BPIFC: variants seen among roughly 807,000 people sequenced by gnomAD.
BPIFC encodes BPI fold-containing family C protein.
A neutral mutation model predicts 57.6 loss-of-function variants in BPIFC; 60 were observed. That is an observed-to-expected ratio of 1.04 (90% CI 0.85 to 1.29). BPIFC has a LOEUF of 1.29. Among genes scored for constraint, BPIFC ranks in the 50% most tolerant of loss-of-function variants. The probability of loss-of-function intolerance (pLI) is 0.00; values close to 1 mark genes in which losing one functional copy is unlikely to be tolerated. For synonymous variants in BPIFC, 243 were observed against 224.5 expected, an observed-to-expected ratio of 1.08 and a Z score of -0.74; for missense variants, 581 against 600.5, an observed-to-expected ratio of 0.97 and a Z score of 0.34.
chr22:32,451,690 G>A (rs2145959873), intron 4 of BPIFC, among the ~76,000 whole-genome samples: 1 of 151,950 alleles, frequency 6.6e-6, no homozygotes, highest in South Asian at 2.1e-4. Context: ...AGAACTTAAA[G>A]TATAATAAAT....
chr22:32,413,938 C>G lies in BPIFC; in HGVS notation c.*365G>C, dbSNP rs564196847. 6.3e-6 allele frequency: 1 copy of G among 157,716 alleles called. No homozygotes were observed. The highest frequency in any genetic ancestry group is 2.4e-5 in the African/African-American group (1 of 41,782). The allele number at this position is 157,716 out of a possible 1,614,324, so 9.8% of individuals were successfully genotyped here. On this transcript the variant is annotated 3_prime_UTR_variant, in exon 17 of 17. Coordinates refer to ENST00000300399, the MANE Select transcript of BPIFC (RefSeq NM_174932.3). ...CCAATATGCAGGTAGGGGAAAACCA[C>G]TAGAGGGCCTAAGGGATTTCCACTG...
chr22:32,429,509 G>GTTT lies in BPIFC; in HGVS notation c.1217+1835_1217+1837dup, dbSNP rs780948561. 2.2e-3 allele frequency among the ~76,000 whole-genome samples: 126 copies of GTTT among 56,654 alleles called. 23 individuals carry two copies. The East Asian group carries it at 0.026, about 11-fold the overall frequency. The allele number at this position is 56,654 out of a possible 152,430, so 37.2% of individuals were successfully genotyped here. On this transcript the variant is annotated intron_variant, in intron 13 of 16. Coordinates refer to ENST00000300399, the MANE Select transcript of BPIFC (RefSeq NM_174932.3). ...GCGTGAGCCATGGCAACTGGCCTTT[G>GTTT]TTTTTTTTTTTTTTTTTTTTTTTTT...
At chr22:32,444,546 G>A (rs975331662) in intron 7 of BPIFC, among the ~76,000 whole-genome samples, 3 of 152,084 alleles carry the variant, frequency 2.0e-5, no homozygotes, top group East Asian at 1.9e-4. Context: ...ACAGGTAAAC[G>A]GTTCAGGGAA....
At chr22:32,418,819 C>A (rs1234953838) in intron 14 of BPIFC, among the ~76,000 whole-genome samples, 1 of 152,066 alleles carries the variant, frequency 6.6e-6, no homozygotes, top group Non-Finnish European at 1.5e-5. Context: ...GCTGATCTTC[C>A]TGAAGCTTGA....
intron 8 of BPIFC, among the ~76,000 whole-genome samples, chr22:32,441,112 C>T (rs1312715582): frequency 1.3e-5 from 2 of 152,160 alleles, no homozygotes; most frequent in African/African-American, 4.8e-5. Context: ...CCTAGTGTGT[C>T]CTTCTCACAG....
intron 8 of BPIFC, among the ~76,000 whole-genome samples, chr22:32,438,769 G>A (rs1465804956): frequency 6.6e-6 from 1 of 151,506 alleles, no homozygotes; most frequent in African/African-American, 2.4e-5. Context: ...GTATTGGCTT[G>A]GTATAATGAA....
At chr22:32,422,747 G>A (rs1933884449) in intron 13 of BPIFC, among the ~76,000 whole-genome samples, 2 of 151,914 alleles carry the variant, frequency 1.3e-5, no homozygotes, top group South Asian at 2.1e-4. Context: ...AGAAACCAGC[G>A]TAGGCTAGAG....
chr22:32,444,752 T>C (rs1934666967), intron 7 of BPIFC, among the ~76,000 whole-genome samples: 1 of 152,192 alleles, frequency 6.6e-6, no homozygotes, highest in Admixed American at 6.5e-5. Flanking sequence ...ATCCTACCTA[T>C]ATGTTAAGAT....
chr22:32,432,899 T>C (rs886595469), intron 11 of BPIFC, among the ~76,000 whole-genome samples: 3 of 152,150 alleles, frequency 2.0e-5, no homozygotes, highest in Non-Finnish European at 1.5e-5. Context: ...AGTGGTAGAA[T>C]TGGGATTCAA....
chr22:32,445,705 A>G lies in BPIFC; in HGVS notation c.531-7T>C. 1 of 1,534,988 alleles carries G rather than the reference A, an allele frequency of 6.5e-7. No homozygotes were observed. Among genetic ancestry groups the G allele is most frequent in the Non-Finnish European group, 8.7e-7 (1 of 1,153,294 alleles). Reference sequence around the variant, plus strand: ...AAAGGAGTTATACAGAACACTGAGGAAAAAAATGAAAAAAAAAAAAAAAAA... The same window carrying G: ...AAAGGAGTTATACAGAACACTGAGGGAAAAAATGAAAAAAAAAAAAAAAAA... On this transcript the variant is annotated splice_region_variant and splice_polypyrimidine_tract_variant and intron_variant, in intron 6 of 16. Coordinates refer to ENST00000300399, the MANE Select transcript of BPIFC (RefSeq NM_174932.3).
intron 10 of BPIFC, among the ~76,000 whole-genome samples, chr22:32,434,424 C>T (rs1934336767): frequency 6.8e-6 from 1 of 147,860 alleles, no homozygotes; most frequent in Admixed American, 6.8e-5. Context: ...ATATATATTA[C>T]AATCTATGTA....
In BPIFC at chr22:32,448,315, T is replaced by C. The variant is rs1043437663; in HGVS notation, c.246-975A>G. 1.6e-4 allele frequency among the ~76,000 whole-genome samples: 25 copies of C among 152,072 alleles called. No homozygotes were observed. In the East Asian group the frequency reaches 4.3e-3, roughly 26 times the overall value. ...GATCTCCTGACCTGACCTCGTGATC[T>C]GCCCGCCTCGGCCTCCCAAAGTGCT... On this transcript the variant is annotated intron_variant, in intron 4 of 16. Coordinates refer to ENST00000300399, the MANE Select transcript of BPIFC (RefSeq NM_174932.3).
intron 14 of BPIFC, among the ~76,000 whole-genome samples, chr22:32,417,539 A>G (rs564502536): frequency 6.6e-6 from 1 of 152,224 alleles, no homozygotes; most frequent in Non-Finnish European, 1.5e-5. Flanking sequence ...TTCTTAGGCT[A>G]GAAAGCAATA....
intron 7 of BPIFC, among the ~76,000 whole-genome samples, chr22:32,443,485 C>T (rs1232948238): frequency 6.6e-6 from 1 of 152,204 alleles, no homozygotes; most frequent in Admixed American, 6.5e-5. Context: ...CTTTTACTTT[C>T]CCCCTGGGCT....
chr22:32,428,221 A>T (rs1473330894), intron 13 of BPIFC, among the ~76,000 whole-genome samples: 3 of 152,000 alleles, frequency 2.0e-5, no homozygotes, highest in Non-Finnish European at 4.4e-5. Flanking sequence ...ATTCATTTTT[A>T]AAAATTATTA....
rs73884913 is a variant in BPIFC at position 32,435,843 on chromosome 22, G to T, written c.785C>A (p.Pro262His). 4.0e-5 allele frequency: 64 copies of T among 1,614,110 alleles called. 1 individual carries two copies. Among genetic ancestry groups the T allele is most frequent in the South Asian group, 3.1e-4 (28 of 91,058 alleles). The change falls in exon 10 of 17, where the codon CCC (proline) becomes CAC (histidine). Residue 262 changes from proline to histidine, a missense_variant. Transcript: ENST00000300399. ...GAGCACAAAAGGAACTGGTGAGAAG[G>T]GGGGGTCGGTGAGGTTTTCCAGTGG... ...FYPLENLTDP[P>H]FSPVPFVLPE...
rs536413230 is a variant in BPIFC, at chr22:32,442,442, C to T, written c.655+229G>A. 2.0e-5 allele frequency among the ~76,000 whole-genome samples: 3 copies of T among 152,252 alleles called. No individual in the cohort carries two copies. The South Asian group carries it at 6.2e-4, about 32-fold the overall frequency. On this transcript the variant is annotated intron_variant, in intron 8 of 16. Transcript: ENST00000300399. ...TTTAGTTCCTGAACCTACATCTCAT[C>T]CCCCTGGAGCCACCCCTCTTGTGGC...
intron 1 of BPIFC, among the ~76,000 whole-genome samples, chr22:32,464,151 G>A (rs1935213496): frequency 6.6e-6 from 1 of 152,126 alleles, no homozygotes; most frequent in Non-Finnish European, 1.5e-5. Context: ...TCTCTCTTAT[G>A]GCTGTTTAGC....
chr22:32,433,756 A>G lies in BPIFC; in HGVS notation c.941T>C (p.Val314Ala), dbSNP rs771061559. ...GTTGCCAAGGCCTTGAGAGTTTTGA[A>G]CAAAATGGTTGGAAATCTGGAAAAT... is the stretch of plus-strand genomic sequence containing the variant. ...LSTEEISNHF[V>A]QNSQGLGNVL... The change falls in exon 11 of 17, where the codon GTT becomes GCT. Residue 314 changes from valine (V) to alanine (A), a missense_variant. Val to Ala is a moderately conservative substitution (Grantham distance 64, BLOSUM62 0). Coordinates refer to ENST00000300399, the MANE Select transcript of BPIFC (RefSeq NM_174932.3). The G allele has an allele frequency of 5.6e-6, 9 of 1,614,022 alleles. No homozygotes were observed. The highest frequency in any genetic ancestry group is 1.6e-4 in the Middle Eastern group (1 of 6,062).
Sources: allele counts gnomAD v4.1 joint callset (sites outside exome capture counted in the v4.1 genomes callset), GRCh38; gene constraint gnomAD v4.1.1; transcripts MANE v1.5; gene names NCBI Gene and HGNC (gene_info 2026-07-23, HGNC 2026-07-21).